The following SIRPA variants were observed in gnomAD, a reference collection of about 807,000 sequenced individuals.
SIRPA encodes the protein signal regulatory protein alpha.
In SIRPA, 9 loss-of-function variants were observed where a neutral mutation model predicts 50.3. The observed-to-expected ratio is 0.18, with a 90% CI of 0.11 to 0.31. SIRPA has a LOEUF of 0.31. Among genes scored for constraint, SIRPA ranks in the 10% least tolerant of loss-of-function variants. The probability of loss-of-function intolerance (pLI) is 1.00; values close to 1 mark genes in which losing one functional copy is unlikely to be tolerated. For synonymous variants in SIRPA, 265 were observed against 284.1 expected, an observed-to-expected ratio of 0.93 and a Z score of 0.68; for missense variants, 474 against 661.6, an observed-to-expected ratio of 0.72 and a Z score of 3.11.
chr20:1,906,589 C>T (rs548188234), intron 1 of SIRPA, among the ~76,000 whole-genome samples: 153 of 152,192 alleles, frequency 1.0e-3, no homozygotes, highest in African/African-American at 3.3e-3. Context: ...GAATCTGGCA[C>T]GATTGGGGGA....
At chr20:1,922,268 C>T in intron 3 of SIRPA, 45 bp from the exon 4 acceptor site, 1 of 1,610,844 alleles carries the variant, frequency 6.2e-7, no homozygotes, top group South Asian at 1.1e-5. Flanking sequence ...TCCCTGTGAT[C>T]TGTCTGTGCC....
Position 1,898,296 on chromosome 20 carries a change from A to G in SIRPA, c.79+2770A>G, listed in dbSNP as rs924703519. Reference sequence around the variant, plus strand: ...CGGGAGTGCTTTGGCTCAACACATCAGGCTGTTGGAAGTTCCTTTAAAGCC... The same window carrying G: ...CGGGAGTGCTTTGGCTCAACACATCGGGCTGTTGGAAGTTCCTTTAAAGCC... On this transcript the variant is annotated intron_variant, in intron 1 of 7. Coordinates refer to ENST00000358771, the MANE Select transcript of SIRPA (RefSeq NM_001040023.2). This position sits in a 1 kb window ranked among gnomAD's most constrained non-coding sequence, Gnocchi z 4.3. Among the ~76,000 whole-genome samples, 1 of 152,202 alleles carries G rather than the reference A, an allele frequency of 6.6e-6. No individual in the cohort carries two copies. Among genetic ancestry groups the G allele is most frequent in the Non-Finnish European group, 1.5e-5 (1 of 68,026 alleles).
intron 2 of SIRPA, 128 bp downstream of exon 2, chr20:1,915,583 T>TA: frequency 8.6e-7 from 1 of 1,165,750 alleles, no homozygotes; most frequent in Non-Finnish European, 1.2e-6. Flanking sequence ...TGTCTCCCCC[T>TA]TTTACAAATA....
intron 2 of SIRPA, among the ~76,000 whole-genome samples, chr20:1,920,000 A>T (rs1985550995): frequency 6.6e-6 from 1 of 152,148 alleles, no homozygotes; most frequent in South Asian, 2.1e-4. Flanking sequence ...GGGGTCATTT[A>T]TTAAGCACCT....
chr20:1,934,232 G>C lies in SIRPA; in HGVS notation c.1227-483G>C, dbSNP rs1216933453. ...CCAGTCCCAATTGGCAGAGCCCTAA[G>C]ACATAAACCTCCTCCCCCATCCAGC... On this transcript the variant is annotated intron_variant, in intron 6 of 7. Coordinates refer to ENST00000358771, the MANE Select transcript of SIRPA (RefSeq NM_001040023.2). The surrounding 1 kb of genome is among the most constrained non-coding windows in gnomAD (Gnocchi z 4.6). Among the ~76,000 whole-genome samples, 1 of 152,106 alleles carries C rather than the reference G, an allele frequency of 6.6e-6. No homozygotes were observed. Among genetic ancestry groups the C allele is most frequent in the East Asian group, 1.9e-4 (1 of 5,196 alleles).
chr20:1,927,475 C>G lies in SIRPA; in HGVS notation c.1202-400C>G, dbSNP rs1306359189. ...AGCAGACCCGGGGTTCACACATGAT[C>G]CCCGATTTGCAGCCCTGCTAGAATC... is the stretch of plus-strand genomic sequence containing the variant. On this transcript the variant is annotated intron_variant, in intron 5 of 7. Transcript: ENST00000358771. This position sits in a 1 kb window ranked among gnomAD's most constrained non-coding sequence, Gnocchi z 6.5. Among the ~76,000 whole-genome samples the G allele has an allele frequency of 6.6e-6, 1 of 152,288 alleles. No homozygotes were observed. Among genetic ancestry groups the G allele is most frequent in the South Asian group, 2.1e-4 (1 of 4,818 alleles).
chr20:1,910,262 C>T (rs1379210674), intron 1 of SIRPA, among the ~76,000 whole-genome samples: 1 of 152,180 alleles, frequency 6.6e-6, no homozygotes, highest in Non-Finnish European at 1.5e-5. Context: ...ACACTGAGTT[C>T]CTCTTACAGC....
At chr20:1,922,202 C>G (rs2123154345) in intron 3 of SIRPA, 111 bp from the exon 4 acceptor site, 1 of 1,361,858 alleles carries the variant, frequency 7.3e-7, no homozygotes, top group East Asian at 2.4e-5. Flanking sequence ...TGATGCCTGC[C>G]TAGCTCTGTC....
chr20:1,936,454 A>T lies in SIRPA; in HGVS notation c.1267-866A>T, dbSNP rs1472308946. 6.6e-6 allele frequency among the ~76,000 whole-genome samples: 1 copy of T among 152,182 alleles called. No homozygotes were observed. The highest frequency in any genetic ancestry group is 1.5e-5 in the Non-Finnish European group (1 of 68,036). On this transcript the variant is annotated intron_variant, in intron 7 of 7. Coordinates refer to ENST00000358771, the MANE Select transcript of SIRPA (RefSeq NM_001040023.2). This position sits in a 1 kb window ranked among gnomAD's most constrained non-coding sequence, Gnocchi z 4.2. ...CCCCTCTTTACAGATGGAGAAACTG[A>T]GGCCCAGAGAGGTTAAGTGAATTGC...
chr20:1,911,035 G>A (rs770860409), intron 1 of SIRPA, among the ~76,000 whole-genome samples: 3 of 151,912 alleles, frequency 2.0e-5, no homozygotes, highest in Non-Finnish European at 4.4e-5. Context: ...TCTAAAATTG[G>A]GAGTTTGGGA....
At chr20:1,909,873 G>A (rs1174286594) in intron 1 of SIRPA, among the ~76,000 whole-genome samples, 1 of 152,128 alleles carries the variant, frequency 6.6e-6, no homozygotes, top group Admixed American at 6.5e-5. Flanking sequence ...CATGAACATT[G>A]TTTTTTAAGA....
intron 1 of SIRPA, among the ~76,000 whole-genome samples, chr20:1,896,818 C>T (rs923729466): frequency 2.5e-5 from 3 of 121,590 alleles, no homozygotes; most frequent in African/African-American, 6.2e-5. Flanking sequence ...GTTATAGTTG[C>T]GTCCTTGCTG....
In SIRPA at chr20:1,927,776, CTCCATG is replaced by C; in HGVS notation, c.1202-95_1202-90del. The C allele has an allele frequency of 1.9e-6, 2 of 1,039,890 alleles. No homozygotes were observed. 64.4% of individuals were successfully genotyped at this position (1,039,890 alleles called of 1,614,324 possible). A position where few individuals can be genotyped will look rare whatever the true frequency, so the allele number is the denominator to read the frequency against. On this transcript the variant is annotated intron_variant, in intron 5 of 7. Coordinates refer to ENST00000358771, the MANE Select transcript of SIRPA (RefSeq NM_001040023.2). The surrounding 1 kb of genome is among the most constrained non-coding windows in gnomAD (Gnocchi z 6.5). ...CAAGGATGTGATTACAGCATTTCCT[CTCCATG>C]TCCCTGGAGGCAAACCTTTTGCCAA...
intron 1 of SIRPA, among the ~76,000 whole-genome samples, chr20:1,909,715 G>C (rs1214771240): frequency 6.6e-6 from 1 of 152,214 alleles, no homozygotes; most frequent in Non-Finnish European, 1.5e-5. Context: ...CCGGGAGGTG[G>C]AGGTTGCAGT....
rs1300357127 is a variant in SIRPA at position 1,933,154 on chromosome 20, CAT to C, written c.1227-1560_1227-1559del. Among the ~76,000 whole-genome samples the C allele has an allele frequency of 6.6e-6, 1 of 152,156 alleles. No homozygotes were observed. The highest frequency in any genetic ancestry group is 1.5e-5 in the Non-Finnish European group (1 of 68,014). On this transcript the variant is annotated intron_variant, in intron 6 of 7. Transcript: ENST00000358771. The surrounding 1 kb of genome is among the most constrained non-coding windows in gnomAD (Gnocchi z 4.4). ...CATTCCAAGTCACTGTTTTTGAGCACATGTGGTGAGGAAGCATGGCAGGCAGG... is the reference window on the plus strand; with the variant it reads ...CATTCCAAGTCACTGTTTTTGAGCACGTGGTGAGGAAGCATGGCAGGCAGG...
intron 2 of SIRPA, among the ~76,000 whole-genome samples, chr20:1,919,658 C>T (rs929527285): frequency 4.6e-5 from 7 of 151,932 alleles, no homozygotes; most frequent in South Asian, 2.1e-4. Flanking sequence ...CTCCCTGCCT[C>T]GACACACCAA....
At chr20:1,915,061 T>C in intron 1 of SIRPA, 38 bp from the exon 2 acceptor site, 1 of 1,442,792 alleles carries the variant, frequency 6.9e-7, no homozygotes, top group Non-Finnish European at 9.5e-7. Flanking sequence ...GAGGATCACG[T>C]AAGGATGAAA....
chr20:1,925,441 C>A (rs1225480687), intron 5 of SIRPA, among the ~76,000 whole-genome samples: 4 of 152,192 alleles, frequency 2.6e-5, no homozygotes, highest in Non-Finnish European at 5.9e-5. Context: ...AGCCACCTCC[C>A]TAGAAAGCCC....
intron 2 of SIRPA, among the ~76,000 whole-genome samples, chr20:1,918,635 A>G (rs1322501797): frequency 2.0e-5 from 3 of 152,018 alleles, no homozygotes; most frequent in South Asian, 2.1e-4. Context: ...TGAGGATGCA[A>G]TGAGCCTGGG....
Sources: allele counts gnomAD v4.1 joint callset (sites outside exome capture counted in the v4.1 genomes callset), GRCh38; gene constraint gnomAD v4.1.1; non-coding constraint Gnocchi (gnomAD v3.1); transcripts MANE v1.5; gene names NCBI Gene and HGNC (gene_info 2026-07-23, HGNC 2026-07-21).